GLRA2: variants seen among roughly 807,000 people sequenced by gnomAD.
GLRA2 encodes glycine receptor subunit alpha-2.
In GLRA2, 11 loss-of-function variants were observed where a neutral mutation model predicts 31.6. That is an observed-to-expected ratio of 0.35 (90% confidence interval 0.22 to 0.58). The LOEUF (loss-of-function observed/expected upper bound fraction) is 0.58, where lower values mean the gene tolerates loss of function less well. Among genes scored for constraint, GLRA2 ranks in the 20% least tolerant of loss-of-function variants. The pLI is 0.84. For synonymous variants in GLRA2, 132 were observed against 134.0 expected, an observed-to-expected ratio of 0.99 and a Z score of 0.10; for missense variants, 212 against 351.8, an observed-to-expected ratio of 0.60 and a Z score of 3.18.
chrX:14,494,454 T>A, the GLRA2 span, among the ~76,000 whole-genome samples: 1,292 of 111,964 alleles, frequency 0.012, 23 homozygotes, highest in African/African-American at 0.039. Flanking sequence ...AGAACAGACC[T>A]TGGATGGCAT....
chrX:14,688,591 C>A (rs924076834), intron 7 of GLRA2, among the ~76,000 whole-genome samples: 2 of 111,600 alleles, frequency 1.8e-5, no homozygotes, highest in Non-Finnish European at 3.8e-5. Context: ...GGTGTGGGAC[C>A]CTCCGAGCCA....
At chrX:14,511,134 C>A in the GLRA2 span, among the ~76,000 whole-genome samples, 7 of 111,568 alleles carry the variant, frequency 6.3e-5, no homozygotes, top group African/African-American at 2.3e-4. Flanking sequence ...GCCTATACAA[C>A]TGGATTTGTC....
intron 7 of GLRA2, among the ~76,000 whole-genome samples, chrX:14,609,676 T>A (rs2090377476): frequency 9.0e-6 from 1 of 111,634 alleles, no homozygotes; most frequent in Non-Finnish European, 1.9e-5. Context: ...TCAATAAATA[T>A]ATGTAAGAAA....
At chrX:14,686,088 A>G (rs1569521760) in intron 7 of GLRA2, among the ~76,000 whole-genome samples, 1 of 111,655 alleles carries the variant, frequency 9.0e-6, no homozygotes, top group Non-Finnish European at 1.9e-5. Context: ...TCATTCAGGA[A>G]CAGGTTGTTC....
intron 7 of GLRA2, among the ~76,000 whole-genome samples, chrX:14,646,414 A>G (rs2090833238): frequency 8.9e-6 from 1 of 112,351 alleles, no homozygotes; most frequent in Admixed American, 9.4e-5. Flanking sequence ...TAATCAAACA[A>G]CAAATGAGGC....
the GLRA2 span, among the ~76,000 whole-genome samples, chrX:14,507,377 C>T: frequency 9.0e-6 from 1 of 111,549 alleles, no homozygotes; most frequent in Admixed American, 9.6e-5. Context: ...CACATAAGAT[C>T]GTTGTGAACG....
chrX:14,516,001 A>C, the GLRA2 span, among the ~76,000 whole-genome samples: 7 of 112,170 alleles, frequency 6.2e-5, no homozygotes, highest in Non-Finnish European at 1.3e-4. Context: ...TGGATCATAG[A>C]GTTACTACTA....
chrX:14,454,193 CA>C, the GLRA2 span, among the ~76,000 whole-genome samples: 728 of 49,154 alleles, frequency 0.015, 8 homozygotes, highest in Middle Eastern at 0.017. Flanking sequence ...CACACCCACA[CA>C]CACACACACA....
intron 4 of GLRA2, among the ~76,000 whole-genome samples, chrX:14,595,685 T>C (rs1167499345): frequency 6.3e-5 from 7 of 111,193 alleles, no homozygotes; most frequent in Non-Finnish European, 1.3e-4. Flanking sequence ...GATCCAGGTA[T>C]GTAAGAATAG....
chrX:14,553,213 G>A (rs747061063), intron 2 of GLRA2, among the ~76,000 whole-genome samples: 1 of 111,920 alleles, frequency 8.9e-6, no homozygotes, highest in South Asian at 3.8e-4. Flanking sequence ...TACAAAATGT[G>A]GTGGCCTTCA....
intron 7 of GLRA2, among the ~76,000 whole-genome samples, chrX:14,675,229 G>C (rs1168117257): frequency 9.0e-6 from 1 of 111,279 alleles, no homozygotes; most frequent in Admixed American, 9.6e-5. Context: ...GTGTCCCTAT[G>C]GTGCCTCTAA....
chrX:14,675,354 A>G (rs1275111157), intron 7 of GLRA2, among the ~76,000 whole-genome samples: 1 of 111,623 alleles, frequency 9.0e-6, no homozygotes, highest in Non-Finnish European at 1.9e-5. Context: ...GCTACTTTAA[A>G]CAATTTTCTG....
intron 2 of GLRA2, among the ~76,000 whole-genome samples, chrX:14,536,764 A>G (rs1017609915): frequency 4.5e-5 from 5 of 111,284 alleles, no homozygotes; most frequent in African/African-American, 1.6e-4. Context: ...GGCTGAGATG[A>G]AAAAAAGCCC....
chrX:14,582,769 G>T, intron 4 of GLRA2, among the ~76,000 whole-genome samples: 1 of 111,490 alleles, frequency 9.0e-6, no homozygotes, highest in Non-Finnish European at 1.9e-5. Context: ...TTCTGTAAAG[G>T]GCCAGATATT....
intron 2 of GLRA2, among the ~76,000 whole-genome samples, chrX:14,543,632 A>C (rs1488291709): frequency 1.8e-5 from 2 of 111,340 alleles, no homozygotes; most frequent in Non-Finnish European, 3.8e-5. Context: ...GTAGCTACCA[A>C]GTTTCTTTAA....
At chrX:14,605,789 C>T (rs957325944) in intron 5 of GLRA2, among the ~76,000 whole-genome samples, 3 of 111,880 alleles carry the variant, frequency 2.7e-5, no homozygotes, top group Non-Finnish European at 5.6e-5. Context: ...TTTACCTCTG[C>T]TGTCTTCCCC....
At position 14,690,677 on chromosome X, in the gene GLRA2, C is replaced by CTG. The variant is rs113205021; in HGVS notation, c.931-19_931-18dup. Reference sequence around the variant, plus strand: ...TCTTTCTTTCTCTCTCTCTCTCTCTCTGTGTGTGTGTGTGTCTCTCTCTCT... The same window carrying CTG: ...TCTTTCTTTCTCTCTCTCTCTCTCTCTGTGTGTGTGTGTGTGTCTCTCTCTCT... On this transcript the variant is annotated intron_variant, in intron 7 of 8. Coordinates refer to ENST00000218075, the MANE Select transcript of GLRA2 (RefSeq NM_002063.4). 4.6e-3 allele frequency: 3,486 copies of CTG among 755,633 alleles called. 65 individuals are homozygous for CTG. In the African/African-American group the frequency reaches 0.065, roughly 14 times the overall value. 62.3% of individuals were successfully genotyped at this position (755,633 alleles called of 1,213,427 possible).
chrX:14,468,729 G>A, the GLRA2 span, among the ~76,000 whole-genome samples: 1 of 111,406 alleles, frequency 9.0e-6, no homozygotes, highest in Admixed American at 9.5e-5. Context: ...AGATCCCTGA[G>A]GAATCGCCAC....
At position 14,731,726 on chromosome X, in the gene GLRA2, TATA is replaced by T. The variant is rs1449731920; in HGVS notation, c.*1247_*1249del. ...TCAGATAAAAGACAACCTGTAAAAA[TATA>T]ATAATTAAATTTTACATGTGCTGTA... On this transcript the variant is annotated 3_prime_UTR_variant, in exon 9 of 9. Transcript: ENST00000218075. 8.9e-6 allele frequency: 1 copy of T among 111,748 alleles called. No individual in the cohort carries two copies. The highest frequency in any genetic ancestry group is 9.6e-5 in the Admixed American group (1 of 10,445). 9.2% of individuals were successfully genotyped at this position (111,748 alleles called of 1,213,427 possible).
Sources: allele counts gnomAD v4.1 joint callset (sites outside exome capture counted in the v4.1 genomes callset), GRCh38; gene constraint gnomAD v4.1.1; transcripts MANE v1.5; gene names NCBI Gene and HGNC (gene_info 2026-07-23, HGNC 2026-07-21).